Variants in UBE2D3 observed in about 807,000 individuals in gnomAD.
UBE2D3 encodes ubiquitin-conjugating enzyme E2 D3.
Under a neutral mutation model 22.8 loss-of-function variants are expected in UBE2D3, and 2 were observed. The ratio of observed to expected loss-of-function variants is 0.09; its 90% CI spans 0.04 to 0.28. The LOEUF (loss-of-function observed/expected upper bound fraction) is 0.28, where lower values mean the gene tolerates loss of function less well. Among genes scored for constraint, UBE2D3 ranks in the 10% least tolerant of loss-of-function variants. The pLI is 1.00. For synonymous variants in UBE2D3, 56 were observed against 60.4 expected (o/e 0.93, Z 0.34); for missense variants, 27 against 182.5 (o/e 0.15, Z 4.91).
intron 2 of UBE2D3, chr4:102,825,428 G>A: frequency 1.8e-6 from 2 of 1,128,488 alleles, no homozygotes; most frequent in Middle Eastern, 4.1e-4. Context: ...TCTTAGAGCA[G>A]TGCACAACGC....
chr4:102,833,544 T>G (rs1303953869), intron 1 of UBE2D3, among the ~76,000 whole-genome samples: 2 of 152,194 alleles, frequency 1.3e-5, no homozygotes, highest in Non-Finnish European at 2.9e-5. Flanking sequence ...AAAAAGTTCA[T>G]GTAGAGAATT....
At chr4:102,830,825 C>T (rs1195588026), upstream of UBE2D3, among the ~76,000 whole-genome samples, 1 of 152,146 alleles carries the variant, frequency 6.6e-6, no homozygotes, top group Non-Finnish European at 1.5e-5. Context: ...GTGATTGTGC[C>T]ACTATACTCA....
At position 102,826,629 on chromosome 4, in the gene UBE2D3, A is replaced by G; in HGVS notation, c.-121T>C. On this transcript the variant is annotated 5_prime_UTR_variant, in exon 2 of 8. Coordinates refer to ENST00000453744, the MANE Select transcript of UBE2D3 (RefSeq NM_181891.3). ...TCGTCTCACACCAGCTCTGCCAGAC[A>G]CAGGCGCCTTTTGCAAAAACGGAGC... The G allele has an allele frequency of 6.3e-7, 1 of 1,579,602 alleles. No individual in the cohort carries two copies.
At chr4:102,860,227 G>A (rs1732820832) in intron 1 of UBE2D3, among the ~76,000 whole-genome samples, 1 of 152,012 alleles carries the variant, frequency 6.6e-6, no homozygotes, top group African/African-American at 2.4e-5. Flanking sequence ...TTAGCTCACT[G>A]AGATTCAAGG....
chr4:102,852,654 T>C (rs1732419770), intron 1 of UBE2D3, among the ~76,000 whole-genome samples: 1 of 152,220 alleles, frequency 6.6e-6, no homozygotes, highest in African/African-American at 2.4e-5. Context: ...TCTGCTGTTT[T>C]CCTACTGATT....
intron 1 of UBE2D3, among the ~76,000 whole-genome samples, chr4:102,862,439 T>C (rs1732942765): frequency 6.7e-6 from 1 of 150,272 alleles, no homozygotes; most frequent in African/African-American, 2.4e-5. Context: ...AGCATATTAG[T>C]TGTTCCATTA....
At chr4:102,834,332 CA>C (rs1207259713) in intron 1 of UBE2D3, among the ~76,000 whole-genome samples, 2 of 152,098 alleles carry the variant, frequency 1.3e-5, no homozygotes, top group Non-Finnish European at 2.9e-5. Flanking sequence ...TGATTATAAG[CA>C]GGCAGCTAGC....
upstream of UBE2D3, chr4:102,828,261 T>C (rs1466599564): frequency 4.6e-5 from 45 of 985,274 alleles, no homozygotes; most frequent in Non-Finnish European, 5.3e-5. Flanking sequence ...CAAGGATTAA[T>C]TACCAGATAC....
chr4:102,867,557 C>CCGTAA (rs1416963148), intron 1 of UBE2D3, among the ~76,000 whole-genome samples: 9 of 152,156 alleles, frequency 5.9e-5, no homozygotes, highest in Non-Finnish European at 1.2e-4. Flanking sequence ...CTCCTCTTAC[C>CCGTAA]CTTCAAATCT....
chr4:102,810,649 G>A (rs1560854795), intron 2 of UBE2D3: 1 of 152,076 alleles, frequency 6.6e-6, no homozygotes. Flanking sequence ...GCGTACTTCT[G>A]TAAGTAGAAA....
At chr4:102,827,357 G>A (rs2110339175) in intron 1 of UBE2D3, 70 bp downstream of exon 1, 1 of 983,306 alleles carries the variant, frequency 1.0e-6, no homozygotes, top group South Asian at 4.7e-5. Flanking sequence ...GTCCCGCACT[G>A]CCCCTCTTAC....
At position 102,804,483 on chromosome 4, in the gene UBE2D3, G is replaced by T. The variant is rs575532405; in HGVS notation, c.121-1845C>A. 6.1e-4 allele frequency among the ~76,000 whole-genome samples: 93 copies of T among 151,970 alleles called. 1 individual carries two copies. The highest frequency in any genetic ancestry group is 1.6e-3 in the African/African-American group (65 of 41,450). ...CTTTTTCATATTTTCTACAAAATAT[G>T]GAACTAGAAAAACACTCAGGTCACT... On this transcript the variant is annotated intron_variant, in intron 4 of 7. Transcript: ENST00000453744.
At chr4:102,801,394 G>T in intron 6 of UBE2D3, 60 bp downstream of exon 6, 2 of 1,383,886 alleles carry the variant, frequency 1.4e-6, no homozygotes, top group Non-Finnish European at 2.0e-6. Context: ...CAGATAAGTA[G>T]ATCTAAGAAT....
At chr4:102,823,349 T>C (rs1233007989) in intron 2 of UBE2D3, among the ~76,000 whole-genome samples, 1 of 152,148 alleles carries the variant, frequency 6.6e-6, no homozygotes, top group East Asian at 1.9e-4. Flanking sequence ...GAGATGGAGA[T>C]AATCTTGAAA....
At position 102,849,267 on chromosome 4, in the gene UBE2D3, G is replaced by A. The variant is rs139759556; in HGVS notation, c.-129+19448C>T. 3.8e-3 allele frequency among the ~76,000 whole-genome samples: 573 copies of A among 150,766 alleles called. 4 individuals are homozygous for A. The highest frequency in any genetic ancestry group is 0.013 in the African/African-American group (537 of 40,988). The stretch of plus-strand genomic sequence containing the variant: ...TAGTCCCAGGTACTTGGGAGGCTAA[G>A]GTAGGAGGATCGCCTGAGCCCAGGA... On this transcript the variant is annotated intron_variant, in intron 1 of 7. Coordinates refer to the UBE2D3 transcript ENST00000338145.
intron 2 of UBE2D3, among the ~76,000 whole-genome samples, chr4:102,813,906 C>A (rs1275332625): frequency 1.3e-5 from 2 of 152,112 alleles, no homozygotes; most frequent in Non-Finnish European, 2.9e-5. Context: ...ATAAAACAAA[C>A]AACAAAAATA....
chr4:102,813,071 T>C (rs928109977), intron 2 of UBE2D3: 1 of 152,196 alleles, frequency 6.6e-6, no homozygotes, highest in Non-Finnish European at 1.5e-5. Context: ...CCTTTAAAAA[T>C]GTTAAGATGA....
intron 2 of UBE2D3, among the ~76,000 whole-genome samples, chr4:102,824,634 C>T (rs868359561): frequency 1.3e-5 from 2 of 152,332 alleles, no homozygotes; most frequent in South Asian, 4.1e-4. Flanking sequence ...GCTTTTAAAT[C>T]ATTTAAGTGG....
chr4:102,868,240 T>C (rs997374764), intron 1 of UBE2D3, among the ~76,000 whole-genome samples: 2 of 151,912 alleles, frequency 1.3e-5, no homozygotes, highest in African/African-American at 4.8e-5. Flanking sequence ...CGGCTAATTT[T>C]TCTATTTTTA....
Sources: gnomAD v4.1 joint callset for allele counts (sites outside exome capture counted in the v4.1 genomes callset) on GRCh38, gnomAD v4.1.1 for gene constraint, MANE v1.5 for transcripts, NCBI Gene and HGNC (gene_info 2026-07-23, HGNC 2026-07-21) for gene names.